UBE3C: variants seen among roughly 807,000 people sequenced by gnomAD.
The protein encoded by UBE3C is ubiquitin protein ligase E3C.
A neutral mutation model predicts 129.4 loss-of-function variants in UBE3C; 42 were observed. That is an observed-to-expected ratio of 0.32 (90% CI 0.25 to 0.42). The LOEUF (loss-of-function observed/expected upper bound fraction) is 0.42, where lower values mean the gene tolerates loss of function less well. Among genes scored for constraint, UBE3C ranks in the 10% least tolerant of loss-of-function variants. UBE3C has a pLI of 1.00. For synonymous variants in UBE3C, 510 were observed against 492.4 expected (o/e 1.04, Z -0.47); for missense variants, 1,049 against 1,319.1 (o/e 0.80, Z 3.17).
intron 4 of UBE3C, among the ~76,000 whole-genome samples, chr7:157,170,654 A>G (rs956402437): frequency 2.6e-5 from 4 of 152,204 alleles, no homozygotes; most frequent in Non-Finnish European, 5.9e-5. Flanking sequence ...ATGTGTATCC[A>G]AAAATAGGCT....
In UBE3C at chr7:157,241,112, G is replaced by C. The variant is rs115307946; in HGVS notation, c.2482-7256G>C. On this transcript the variant is annotated intron_variant, in intron 18 of 22. Coordinates refer to ENST00000348165, the MANE Select transcript of UBE3C (RefSeq NM_014671.3). The stretch of plus-strand genomic sequence containing the variant: ...GGGGCCTACCTCCCTTCTGTGCCCG[G>C]TGGTTCAAGGGTGCAAAAGAGACCA... 5.0e-3 allele frequency among the ~76,000 whole-genome samples: 759 copies of C among 152,238 alleles called. 6 individuals carry two copies. Among genetic ancestry groups the C allele is most frequent in the African/African-American group, 0.017 (721 of 41,546 alleles).
intron 18 of UBE3C, among the ~76,000 whole-genome samples, chr7:157,245,731 T>G (rs1194208969): frequency 6.6e-6 from 1 of 152,232 alleles, no homozygotes; most frequent in Admixed American, 6.5e-5. Context: ...ATGCCGGCTC[T>G]AGTTATCAGA....
At chr7:157,231,388 A>T in intron 18 of UBE3C, 61 bp downstream of exon 18, 4 of 1,582,738 alleles carry the variant, frequency 2.5e-6, no homozygotes, top group Non-Finnish European at 3.4e-6. Flanking sequence ...TTTTATGTTT[A>T]TGTGTGGTTG....
intron 18 of UBE3C, among the ~76,000 whole-genome samples, chr7:157,233,020 GGAAA>G (rs1796062153): frequency 1.3e-5 from 2 of 151,986 alleles, no homozygotes; most frequent in Admixed American, 1.3e-4. Flanking sequence ...ATCCCAAAAA[GGAAA>G]CGCTAGGTAG....
At chr7:157,154,068 C>T (rs887621938) in intron 1 of UBE3C, among the ~76,000 whole-genome samples, 3 of 115,146 alleles carry the variant, frequency 2.6e-5, no homozygotes, top group Admixed American at 1.6e-4. Flanking sequence ...ACCTGTAATC[C>T]CAGCACCTTG....
intron 4 of UBE3C, among the ~76,000 whole-genome samples, chr7:157,171,654 A>T (rs1808367845): frequency 8.6e-6 from 1 of 115,824 alleles, no homozygotes; most frequent in Non-Finnish European, 1.9e-5. Context: ...TACATTTTTA[A>T]ATATTTTATA....
chr7:157,240,149 G>A (rs1006371869), intron 18 of UBE3C, among the ~76,000 whole-genome samples: 1 of 152,078 alleles, frequency 6.6e-6, no homozygotes, highest in Non-Finnish European at 1.5e-5. Context: ...TCTGCCTCCT[G>A]GTTCAAGCAA....
At chr7:157,145,538 T>C (rs1223631304) in intron 1 of UBE3C, among the ~76,000 whole-genome samples, 1 of 151,992 alleles carries the variant, frequency 6.6e-6, no homozygotes, top group African/African-American at 2.4e-5. Flanking sequence ...AAGGAAGAAA[T>C]CCTCATTGCA....
At chr7:157,249,207 G>A (rs751460416) in intron 19 of UBE3C, among the ~76,000 whole-genome samples, 2 of 151,970 alleles carry the variant, frequency 1.3e-5, no homozygotes, top group South Asian at 2.1e-4. Flanking sequence ...CATTTTCCTC[G>A]GTCTACAGAG....
intron 5 of UBE3C, 59 bp from the exon 6 acceptor site, chr7:157,178,631 G>T: frequency 6.4e-7 from 1 of 1,553,142 alleles, no homozygotes. Context: ...AGTAACTTGG[G>T]GAAACTGGTG....
intron 19 of UBE3C, 137 bp downstream of exon 19, chr7:157,248,717 C>T (rs1563074290): frequency 1.1e-6 from 1 of 921,854 alleles, no homozygotes; most frequent in Non-Finnish European, 1.7e-6. Flanking sequence ...AGTTAGACGT[C>T]GAAGCATATA....
intron 10 of UBE3C, among the ~76,000 whole-genome samples, chr7:157,194,052 T>C (rs1010063611): frequency 2.0e-5 from 3 of 152,260 alleles, no homozygotes; most frequent in African/African-American, 7.2e-5. Flanking sequence ...TTTCCTGTTT[T>C]GTTAATCCAA....
intron 13 of UBE3C, among the ~76,000 whole-genome samples, chr7:157,216,076 G>A (rs529897704): frequency 1.4e-4 from 22 of 152,266 alleles, no homozygotes; most frequent in African/African-American, 4.8e-4. Flanking sequence ...CAGCCTGTTT[G>A]GAAAGGTTAT....
chr7:157,194,002 T>G (rs1809047789), intron 10 of UBE3C, among the ~76,000 whole-genome samples: 3 of 152,248 alleles, frequency 2.0e-5, no homozygotes, highest in Admixed American at 1.3e-4. Flanking sequence ...TGAACTGATA[T>G]GAACAAAATT....
intron 19 of UBE3C, among the ~76,000 whole-genome samples, chr7:157,252,906 T>G (rs1014457714): frequency 1.3e-5 from 2 of 152,238 alleles, no homozygotes; most frequent in African/African-American, 4.8e-5. Flanking sequence ...TTTTGTTGTT[T>G]TTTTGTTTTG....
chr7:157,212,533 T>G (rs181698194), intron 13 of UBE3C, among the ~76,000 whole-genome samples: 3 of 152,342 alleles, frequency 2.0e-5, no homozygotes, highest in Non-Finnish European at 4.4e-5. Flanking sequence ...CCATGAACTC[T>G]CAAACATAGC....
chr7:157,201,658 T>TTTTTTA (rs1809286161), intron 10 of UBE3C, 63 bp from the exon 11 acceptor site: 1 of 566,734 alleles, frequency 1.8e-6, no homozygotes, highest in South Asian at 2.9e-5. Flanking sequence ...TTTTTTTTTT[T>TTTTTTA]AAGAAATGTT....
In UBE3C at chr7:157,231,226, A is replaced by T. The variant is rs1584806162; in HGVS notation, c.2380A>T (p.Thr794Ser). 6.2e-7 allele frequency: 1 copy of T among 1,614,116 alleles called. No homozygotes were observed. The highest frequency in any genetic ancestry group is 1.1e-5 in the South Asian group (1 of 91,078). ...GFNPNQGFFK[T>S]TNEGLLYPNP... ...TAACCCCAACCAGGGGTTCTTTAAGACTACTAATGAAGGGCTTCTGTACCC... is the reference window on the plus strand; with the variant it reads ...TAACCCCAACCAGGGGTTCTTTAAGTCTACTAATGAAGGGCTTCTGTACCC... The change falls in exon 18 of 23, where the codon ACT becomes TCT. Residue 794 changes from threonine to serine, a missense_variant. Transcript: ENST00000348165.
chr7:157,225,541 T>C lies in UBE3C; in HGVS notation c.2233+2T>C. 6.3e-7 allele frequency: 1 copy of C among 1,580,292 alleles called. No individual in the cohort carries two copies. Among genetic ancestry groups the C allele is most frequent in the Non-Finnish European group, 8.5e-7 (1 of 1,170,376 alleles). ...ATGACAAACTTTCTCCAGAAAATGGTATATATAATTCTTTCTGTGTATTAT... is the reference window on the plus strand; with the variant it reads ...ATGACAAACTTTCTCCAGAAAATGGCATATATAATTCTTTCTGTGTATTAT... On this transcript the variant is annotated splice_donor_variant, in intron 17 of 22. Coordinates refer to ENST00000348165, the MANE Select transcript of UBE3C (RefSeq NM_014671.3). LOFTEE classifies it high-confidence loss of function.
Sources: allele counts gnomAD v4.1 joint callset (sites outside exome capture counted in the v4.1 genomes callset), GRCh38; gene constraint gnomAD v4.1.1; transcripts MANE v1.5; gene names NCBI Gene and HGNC (gene_info 2026-07-23, HGNC 2026-07-21).